The following SEMA3D variants were observed in gnomAD, a reference collection of about 807,000 sequenced individuals.
SEMA3D encodes semaphorin-3D.
Under a neutral mutation model 100.1 loss-of-function variants are expected in SEMA3D, and 84 were observed. That is an observed-to-expected ratio of 0.84 (90% CI 0.70 to 1.01). The LOEUF (loss-of-function observed/expected upper bound fraction) is 1.01. Ranked by LOEUF, SEMA3D falls within the 50% of genes least tolerant of loss-of-function variation. SEMA3D has a pLI of 0.00. For missense variants in SEMA3D, 875 were observed against 934.1 expected (o/e 0.94, Z 0.82); for synonymous variants, 312 against 320.7 (o/e 0.97, Z 0.29).
chr7:85,185,800 G>A (rs904419598), intron 1 of SEMA3D, among the ~76,000 whole-genome samples: 2 of 152,202 alleles, frequency 1.3e-5, no homozygotes, highest in East Asian at 1.9e-4. Flanking sequence ...TACCAGGGTA[G>A]CCCATTAACG....
chr7:85,070,440 T>C (rs1343082803), intron 6 of SEMA3D, among the ~76,000 whole-genome samples: 1 of 152,184 alleles, frequency 6.6e-6, no homozygotes, highest in Non-Finnish European at 1.5e-5. Flanking sequence ...CCCTGAAGTA[T>C]ACCTTTTTCC....
the SEMA3D span, among the ~76,000 whole-genome samples, chr7:85,225,758 C>G: frequency 6.6e-6 from 1 of 152,200 alleles, no homozygotes; most frequent in African/African-American, 2.4e-5. Context: ...AGGTCCCTGC[C>G]TGTATGCTCC....
At chr7:85,029,018 C>T (rs1174253538) in intron 12 of SEMA3D, 22 of 415,774 alleles carry the variant, frequency 5.3e-5, no homozygotes, top group Non-Finnish European at 1.0e-4. Flanking sequence ...GATGTCACTC[C>T]TCTTTCCCTT....
chr7:85,145,801 C>T (rs1001757127), intron 2 of SEMA3D, among the ~76,000 whole-genome samples: 1 of 152,144 alleles, frequency 6.6e-6, no homozygotes, highest in East Asian at 1.9e-4. Context: ...ATACCAAAAT[C>T]TGCTGATACT....
At chr7:85,244,979 G>A in the SEMA3D span, among the ~76,000 whole-genome samples, 1 of 152,142 alleles carries the variant, frequency 6.6e-6, no homozygotes, top group Admixed American at 6.5e-5. Context: ...CAAAGTGTTG[G>A]GATTTACAGG....
chr7:85,216,069 T>C, the SEMA3D span, among the ~76,000 whole-genome samples: 3 of 152,096 alleles, frequency 2.0e-5, no homozygotes, highest in Non-Finnish European at 4.4e-5. Flanking sequence ...AACTATCACA[T>C]TCATTAATAT....
the SEMA3D span, among the ~76,000 whole-genome samples, chr7:85,195,179 A>G: frequency 4.6e-5 from 7 of 152,136 alleles, no homozygotes; most frequent in Non-Finnish European, 8.8e-5. Flanking sequence ...CCTACAGTTT[A>G]GTTATGGCAT....
chr7:85,068,199 A>C lies in SEMA3D; in HGVS notation c.581T>G (p.Val194Gly). The C allele has an allele frequency of 6.3e-7, 1 of 1,585,224 alleles. No individual in the cohort carries two copies. The highest frequency in any genetic ancestry group is 8.7e-7 in the Non-Finnish European group (1 of 1,153,816). ...CCTGTCATTGATCTTACCTGTCATT[A>C]CTGAAGCAAAAGGCTGCTGAGGATC... Reference protein sequence around the residue: ...PFDPQQPFASVMTDEYLYSGT... With the variant: ...PFDPQQPFASGMTDEYLYSGT... The change falls in exon 7 of 19, where the codon GTA becomes GGA. Residue 194 changes from valine (V) to glycine (G), a missense_variant. Physicochemically the swap from Val to Gly is moderately radical, Grantham distance 109. Coordinates refer to ENST00000284136, the MANE Select transcript of SEMA3D (RefSeq NM_001384900.1).
rs944605302 is a variant in SEMA3D, at chr7:84,999,850, T to C, written c.1924A>G (p.Arg642Gly). 1.2e-6 allele frequency: 2 copies of C among 1,612,884 alleles called. No homozygotes were observed. The highest frequency in any genetic ancestry group is 2.7e-5 in the African/African-American group (2 of 74,862). Residue 642 changes from arginine to glycine, a missense_variant, in exon 19 of 19, where the codon AGA becomes GGA. By Grantham distance (125) the Arg-to-Gly change is moderately radical. Coordinates refer to ENST00000284136, the MANE Select transcript of SEMA3D (RefSeq NM_001384900.1). Reference sequence around the variant, plus strand: ...AGCCCATATTCCGTTTTGATGATTCTTTCATCGGGCTTCAACTGCAGAATT... The same window carrying C: ...AGCCCATATTCCGTTTTGATGATTCCTTCATCGGGCTTCAACTGCAGAATT... ...EHREELKPDE[R>G]IIKTEYGLLI...
At chr7:85,079,377 A>T (rs1446387684) in intron 5 of SEMA3D, among the ~76,000 whole-genome samples, 1 of 152,186 alleles carries the variant, frequency 6.6e-6, no homozygotes. Context: ...TCAACATCAA[A>T]CTACAGACTT....
chr7:85,142,691 TTTA>T, intron 2 of SEMA3D: 1 of 965,888 alleles, frequency 1.0e-6, no homozygotes, highest in Non-Finnish European at 1.2e-6. Flanking sequence ...TTTTTTTTTT[TTTA>T]GTGTCTAAAA....
chr7:85,003,477 G>A (rs1380285867), intron 18 of SEMA3D, among the ~76,000 whole-genome samples: 1 of 151,880 alleles, frequency 6.6e-6, no homozygotes, highest in Non-Finnish European at 1.5e-5. Flanking sequence ...GTCTCATTGG[G>A]GAAGGAGTCT....
intron 17 of SEMA3D, 50 bp downstream of exon 17, chr7:85,012,732 T>C (rs896525543): frequency 7.5e-7 from 1 of 1,339,702 alleles, no homozygotes; most frequent in African/African-American, 1.4e-5. Flanking sequence ...ATACAAAGAG[T>C]GGGCTTAGCA....
At chr7:85,142,563 C>G in intron 2 of SEMA3D, 1 of 984,048 alleles carries the variant, frequency 1.0e-6, no homozygotes, top group Non-Finnish European at 1.2e-6. Context: ...ATATGGATCT[C>G]AAGAGCAGAA....
rs758193925 is a variant in SEMA3D at position 85,121,763 on chromosome 7, T to C, written c.129A>G (p.Pro43=). 2 of 1,593,864 alleles carry C rather than the reference T, an allele frequency of 1.3e-6. No individual in the cohort carries two copies. The highest frequency in any genetic ancestry group is 1.7e-6 in the Non-Finnish European group (2 of 1,168,022). The stretch of plus-strand genomic sequence containing the variant: ...TACCTTTGTAGGTTAGCTTGAGTCT[T>C]GGAATATTTTGCTTCAAAGTGCCAG... ...PVTGTLKQNI[P]RLKLTYKDLL... is the part of the protein sequence containing the mutation. Residue 43 remains proline (P), a synonymous_variant, in exon 3 of 19, where the codon CCA becomes CCG. Transcript: ENST00000284136.
intron 17 of SEMA3D, among the ~76,000 whole-genome samples, chr7:85,009,953 A>G (rs1260219777): frequency 6.6e-6 from 1 of 151,842 alleles, no homozygotes; most frequent in Non-Finnish European, 1.5e-5. Flanking sequence ...GTAAATGAAT[A>G]AAAAAGGAAT....
Position 84,999,304 on chromosome 7 carries a change from T to G in SEMA3D, c.*136A>C. ...GCCCTTTCTTATATTCATCACATAT[T>G]GTCTTATTCAGATTATTGTCTTGTG... On this transcript the variant is annotated 3_prime_UTR_variant, in exon 19 of 19. Transcript: ENST00000284136. The G allele has an allele frequency of 1.4e-6, 1 of 703,508 alleles. No individual in the cohort carries two copies. Among genetic ancestry groups the G allele is most frequent in the Non-Finnish European group, 2.3e-6 (1 of 433,276 alleles). The allele number at this position is 703,508 out of a possible 1,614,324, so 43.6% of individuals were successfully genotyped here.
intron 5 of SEMA3D, among the ~76,000 whole-genome samples, chr7:85,078,011 T>C (rs959434743): frequency 3.3e-5 from 5 of 152,106 alleles, no homozygotes; most frequent in African/African-American, 1.2e-4. Flanking sequence ...TGTTAAAGAA[T>C]TTAATGACAT....
At chr7:85,152,384 A>C (rs937592304) in intron 2 of SEMA3D, among the ~76,000 whole-genome samples, 39 of 152,158 alleles carry the variant, frequency 2.6e-4, no homozygotes, top group African/African-American at 9.2e-4. Context: ...GTCAAAAGAC[A>C]TCATTGTTCT....
Sources: gnomAD v4.1 joint callset for allele counts (sites outside exome capture counted in the v4.1 genomes callset) on GRCh38, gnomAD v4.1.1 for gene constraint, MANE v1.5 for transcripts, NCBI Gene and HGNC (gene_info 2026-07-23, HGNC 2026-07-21) for gene names.